ATRNL1: variants seen among roughly 807,000 people sequenced by gnomAD.
The protein encoded by ATRNL1 is attractin like 1.
In ATRNL1, 95 loss-of-function variants were observed where a neutral mutation model predicts 182.7. The observed-to-expected ratio is 0.52, with a 90% confidence interval of 0.44 to 0.62. ATRNL1 has a LOEUF of 0.62. Among genes scored for constraint, ATRNL1 ranks in the 20% least tolerant of loss-of-function variants. The probability of loss-of-function intolerance (pLI) is 0.00; values close to 1 mark genes in which losing one functional copy is unlikely to be tolerated. For missense variants in ATRNL1, 1,471 were observed against 1,679.5 expected (o/e 0.88, Z 2.17); for synonymous variants, 576 against 568.3 (o/e 1.01, Z -0.19).
intron 26 of ATRNL1, among the ~76,000 whole-genome samples, chr10:115,652,697 C>G (rs956253192): frequency 2.6e-5 from 4 of 151,878 alleles, no homozygotes; most frequent in Non-Finnish European, 5.9e-5. Context: ...TGAGTGCATA[C>G]CATTCTGCAT....
intron 9 of ATRNL1, among the ~76,000 whole-genome samples, chr10:115,235,525 T>G (rs539669702): frequency 6.6e-6 from 1 of 152,190 alleles, no homozygotes; most frequent in African/African-American, 2.4e-5. Flanking sequence ...TTGTAATTTT[T>G]TTTTTCCAGA....
At chr10:115,111,198 T>C (rs1347621657) in intron 1 of ATRNL1, among the ~76,000 whole-genome samples, 1 of 152,192 alleles carries the variant, frequency 6.6e-6, no homozygotes, top group Non-Finnish European at 1.5e-5. Flanking sequence ...AGAGAAGTAT[T>C]CCCTGATTAA....
intron 26 of ATRNL1, among the ~76,000 whole-genome samples, chr10:115,585,148 T>A (rs1394191610): frequency 9.7e-6 from 1 of 103,504 alleles, no homozygotes; most frequent in Admixed American, 1.0e-4. Flanking sequence ...TTACATTTGC[T>A]GAGGAGAGCT....
At chr10:115,764,199 T>C (rs1315053158) in intron 27 of ATRNL1, among the ~76,000 whole-genome samples, 1 of 152,156 alleles carries the variant, frequency 6.6e-6, no homozygotes, top group Non-Finnish European at 1.5e-5. Context: ...TAGAGGTAGG[T>C]ACTGAGATTT....
At chr10:115,925,813 G>C (rs1420703710) in intron 28 of ATRNL1, among the ~76,000 whole-genome samples, 1 of 152,008 alleles carries the variant, frequency 6.6e-6, no homozygotes, top group Non-Finnish European at 1.5e-5. Flanking sequence ...CACAATAATA[G>C]TAGGAGATTT....
chr10:115,792,181 A>G (rs1555081928), intron 27 of ATRNL1, among the ~76,000 whole-genome samples: 1 of 152,132 alleles, frequency 6.6e-6, no homozygotes, highest in Non-Finnish European at 1.5e-5. Flanking sequence ...CTTTATCATC[A>G]TTGGGACTGC....
Position 115,504,772 on chromosome 10 carries a change from A to T in ATRNL1, c.3655-14491A>T, listed in dbSNP as rs563163296. On this transcript the variant is annotated intron_variant, in intron 24 of 28. Coordinates refer to ENST00000355044, the MANE Select transcript of ATRNL1 (RefSeq NM_207303.4). ...CTAGCCTTTTCTTTTTTCATGATAA[A>T]GTATTTGATTTAAGCACTTTTATTT... 3.8e-3 allele frequency among the ~76,000 whole-genome samples: 572 copies of T among 152,190 alleles called. 1 individual carries two copies. The highest frequency in any genetic ancestry group is 8.2e-3 in the African/African-American group (343 of 41,576).
At chr10:115,928,443 C>G (rs1555120798) in intron 28 of ATRNL1, among the ~76,000 whole-genome samples, 1 of 151,858 alleles carries the variant, frequency 6.6e-6, no homozygotes, top group South Asian at 2.1e-4. Flanking sequence ...TAAGCTTTTC[C>G]TTACATAAAA....
intron 26 of ATRNL1, among the ~76,000 whole-genome samples, chr10:115,587,899 G>A (rs963263491): frequency 2.9e-5 from 4 of 138,474 alleles, no homozygotes; most frequent in African/African-American, 5.0e-5. Flanking sequence ...TAGAACAGAA[G>A]TAGTAATGGA....
intron 4 of ATRNL1, among the ~76,000 whole-genome samples, chr10:115,128,962 A>G (rs1423962797): frequency 1.3e-5 from 2 of 152,108 alleles, no homozygotes; most frequent in Non-Finnish European, 2.9e-5. Context: ...ATAGTTTTGA[A>G]TTTTCATGAA....
At chr10:115,607,643 A>G (rs1279208228) in intron 26 of ATRNL1, among the ~76,000 whole-genome samples, 3 of 151,748 alleles carry the variant, frequency 2.0e-5, no homozygotes, top group Non-Finnish European at 3.0e-5. Flanking sequence ...AGAATTTTGG[A>G]CCCCAATTCC....
Position 115,221,526 on chromosome 10 carries a change from A to G in ATRNL1, c.1532+5646A>G, listed in dbSNP as rs890239810. The stretch of plus-strand genomic sequence containing the variant: ...ATTAGGAATTTTATTTGCCTAAAGC[A>G]TGAGAGAACTATCAAAACCATGAGA... On this transcript the variant is annotated intron_variant, in intron 9 of 28. Transcript: ENST00000355044. 2.0e-5 allele frequency among the ~76,000 whole-genome samples: 3 copies of G among 152,324 alleles called. No individual in the cohort carries two copies. In the South Asian group the frequency reaches 6.2e-4, roughly 32 times the overall value.
At chr10:115,639,243 C>T (rs1859079443) in intron 26 of ATRNL1, among the ~76,000 whole-genome samples, 1 of 152,164 alleles carries the variant, frequency 6.6e-6, no homozygotes. Flanking sequence ...GGCATAATTT[C>T]CAAGTGCTAT....
chr10:115,813,749 T>A (rs1439566831), intron 27 of ATRNL1, among the ~76,000 whole-genome samples: 2 of 152,174 alleles, frequency 1.3e-5, no homozygotes, highest in African/African-American at 4.8e-5. Context: ...ATGTAGTTTT[T>A]TAAAATCCTT....
chr10:115,791,699 A>G (rs1489554397), intron 27 of ATRNL1, among the ~76,000 whole-genome samples: 1 of 151,992 alleles, frequency 6.6e-6, no homozygotes, highest in Non-Finnish European at 1.5e-5. Context: ...CAGCTCTCTT[A>G]ACTCTGTCTA....
intron 21 of ATRNL1, among the ~76,000 whole-genome samples, chr10:115,428,445 T>C (rs1423368968): frequency 6.6e-6 from 1 of 152,022 alleles, no homozygotes; most frequent in Non-Finnish European, 1.5e-5. Flanking sequence ...GATGTGAACA[T>C]GAAAGTATTA....
intron 20 of ATRNL1, among the ~76,000 whole-genome samples, chr10:115,399,009 G>C (rs1844423119): frequency 1.3e-5 from 2 of 151,862 alleles, no homozygotes; most frequent in African/African-American, 4.8e-5. Flanking sequence ...AATCACATTT[G>C]CTGATTTGCT....
chr10:115,389,555 T>TGTAC (rs1843887664), intron 19 of ATRNL1, among the ~76,000 whole-genome samples: 7 of 76,320 alleles, frequency 9.2e-5, no homozygotes, highest in African/African-American at 3.0e-4. Context: ...TATATATATA[T>TGTAC]ATATATATAT....
At chr10:115,352,985 A>G (rs1457263009) in intron 19 of ATRNL1, among the ~76,000 whole-genome samples, 1 of 152,206 alleles carries the variant, frequency 6.6e-6, no homozygotes, top group Non-Finnish European at 1.5e-5. Flanking sequence ...CTGGCCTAAG[A>G]GATGGTCTGT....
Sources: allele counts gnomAD v4.1 joint callset (sites outside exome capture counted in the v4.1 genomes callset), GRCh38; gene constraint gnomAD v4.1.1; transcripts MANE v1.5; gene names NCBI Gene and HGNC (gene_info 2026-07-23, HGNC 2026-07-21).